The following SV2B variants were observed in gnomAD, a reference collection of about 807,000 sequenced individuals.
SV2B encodes the protein synaptic vesicle glycoprotein 2B, also known as solute carrier family 22 member B2.
SV2B carries 41 observed loss-of-function variants against 73.9 expected under a neutral mutation model. The ratio of observed to expected loss-of-function variants is 0.56; its 90% confidence interval spans 0.43 to 0.72. SV2B has a LOEUF of 0.72. Among genes scored for constraint, SV2B ranks in the 30% least tolerant of loss-of-function variants. The pLI, the probability that SV2B is intolerant of heterozygous loss-of-function variation, is 0.00. For synonymous variants in SV2B, 314 were observed against 314.2 expected (o/e 1.00, Z 0.01); for missense variants, 764 against 857.8 (o/e 0.89, Z 1.37).
chr15:91,125,529 T>C (rs1013556757), intron 1 of SV2B, among the ~76,000 whole-genome samples: 2 of 151,972 alleles, frequency 1.3e-5, no homozygotes, highest in Admixed American at 6.6e-5. Context: ...CCAAGCACTT[T>C]GGGAGGCTGA....
intron 1 of SV2B, among the ~76,000 whole-genome samples, chr15:91,160,949 T>C (rs539520586): frequency 7.9e-5 from 12 of 152,304 alleles, no homozygotes; most frequent in African/African-American, 2.9e-4. Context: ...AAATGTGGCT[T>C]ATCCATACAG....
In SV2B at chr15:91,136,657, G is replaced by A. The variant is rs368506500; in HGVS notation, c.-392+36294G>A. Among the ~76,000 whole-genome samples, 9 of 152,152 alleles carry A rather than the reference G, an allele frequency of 5.9e-5. No individual in the cohort carries two copies. Among genetic ancestry groups the A allele is most frequent in the Non-Finnish European group, 1.3e-4 (9 of 68,034 alleles). On this transcript the variant is annotated intron_variant, in intron 1 of 12. Coordinates refer to ENST00000394232, the MANE Select transcript of SV2B (RefSeq NM_001323032.3). The surrounding 1 kb of genome is among the most constrained non-coding windows in gnomAD (Gnocchi z 5.6). ...TGGAGCAAGGAAGCTCTAGGTTCCC[G>A]TAAGGCAGACTGCCTTTTTAGTTGT...
chr15:91,228,918 C>T (rs970757889), intron 2 of SV2B, among the ~76,000 whole-genome samples: 18 of 152,156 alleles, frequency 1.2e-4, no homozygotes, highest in Admixed American at 9.8e-4. Context: ...GTCACCATGT[C>T]GGTTAGATGA....
rs2045271706 is a variant in SV2B, at chr15:91,197,060, AG to A, written c.-391-28812del. Among the ~76,000 whole-genome samples the A allele has an allele frequency of 6.6e-6, 1 of 152,234 alleles. No homozygotes were observed. The highest frequency in any genetic ancestry group is 2.4e-5 in the African/African-American group (1 of 41,474). ...CCGCCTGCCGGCTGTGGCAGCCTTTAGCCCATAGATGCTGATCTTTGATGTC... is the reference window on the plus strand; with the variant it reads ...CCGCCTGCCGGCTGTGGCAGCCTTTACCCATAGATGCTGATCTTTGATGTC... On this transcript the variant is annotated intron_variant, in intron 1 of 12. Transcript: ENST00000394232. The surrounding 1 kb of genome is among the most constrained non-coding windows in gnomAD (Gnocchi z 4.9).
chr15:91,297,996 T>C lies in SV2B; in HGVS notation c.*5444T>C, dbSNP rs1258814239. On this transcript the variant is annotated 3_prime_UTR_variant, in exon 13 of 13. Transcript: ENST00000394232. This position sits in a 1 kb window ranked among gnomAD's most constrained non-coding sequence, Gnocchi z 5.1. The stretch of plus-strand genomic sequence containing the variant: ...TATGCTTGTGGCATCCTGTAATTCA[T>C]TGTGCCTTATGATGGACCTCTGATT... 6.6e-6 allele frequency: 1 copy of C among 152,198 alleles called. No homozygotes were observed. The highest frequency in any genetic ancestry group is 2.4e-5 in the African/African-American group (1 of 41,430). The allele number at this position is 152,198 out of a possible 1,614,324, so 9.4% of individuals were successfully genotyped here. A position where few individuals can be genotyped will look rare whatever the true frequency, so the allele number is the denominator to read the frequency against.
intron 1 of SV2B, among the ~76,000 whole-genome samples, chr15:91,184,407 A>T (rs4322639): frequency 2.0e-5 from 3 of 151,940 alleles, no homozygotes; most frequent in African/African-American, 4.8e-5. Flanking sequence ...CCTTACCTGG[A>T]CATCATAAAT....
In SV2B at chr15:91,129,229, T is replaced by C. The variant is rs776219001; in HGVS notation, c.-392+28866T>C. Among the ~76,000 whole-genome samples the C allele has an allele frequency of 1.3e-5, 2 of 152,182 alleles. No individual in the cohort carries two copies. The highest frequency in any genetic ancestry group is 2.9e-5 in the Non-Finnish European group (2 of 68,034). On this transcript the variant is annotated intron_variant, in intron 1 of 12. Coordinates refer to ENST00000394232, the MANE Select transcript of SV2B (RefSeq NM_001323032.3). The surrounding 1 kb of genome is among the most constrained non-coding windows in gnomAD (Gnocchi z 5.1). ...ATGACACATTACAGAAATGAGTAGG[T>C]CAAAGATATCCAACCTTAAGAAAGT...
chr15:91,181,931 A>G (rs2044594068), intron 1 of SV2B, among the ~76,000 whole-genome samples: 1 of 151,982 alleles, frequency 6.6e-6, no homozygotes, highest in South Asian at 2.1e-4. Context: ...ATATAGATAG[A>G]TAGGTAGACA....
Position 91,141,027 on chromosome 15 carries a change from A to C in SV2B, c.-392+40664A>C, listed in dbSNP as rs1221953474. Reference sequence around the variant, plus strand: ...TTTCATGATGGAAGCCAGAAGTGCTACAAGCACTCAGGTGGCAGGACTTAT... The same window carrying C: ...TTTCATGATGGAAGCCAGAAGTGCTCCAAGCACTCAGGTGGCAGGACTTAT... On this transcript the variant is annotated intron_variant, in intron 1 of 12. Coordinates refer to ENST00000394232, the MANE Select transcript of SV2B (RefSeq NM_001323032.3). The surrounding 1 kb of genome is among the most constrained non-coding windows in gnomAD (Gnocchi z 4.6). 2.0e-5 allele frequency among the ~76,000 whole-genome samples: 3 copies of C among 152,252 alleles called. No individual in the cohort carries two copies. The highest frequency in any genetic ancestry group is 7.2e-5 in the African/African-American group (3 of 41,464).
In SV2B at chr15:91,227,210, C is replaced by T. The variant is rs757631586; in HGVS notation, c.451+496C>T. ...ACATAAATGTTAGTAGGCTGAATGC[C>T]CACATACCCTGGGGATGAATGGTGG... On this transcript the variant is annotated intron_variant, in intron 2 of 12. Coordinates refer to ENST00000394232, the MANE Select transcript of SV2B (RefSeq NM_001323032.3). This position sits in a 1 kb window ranked among gnomAD's most constrained non-coding sequence, Gnocchi z 4.5. 1.3e-5 allele frequency among the ~76,000 whole-genome samples: 2 copies of T among 152,120 alleles called. No individual in the cohort carries two copies. Among genetic ancestry groups the T allele is most frequent in the Non-Finnish European group, 2.9e-5 (2 of 68,020 alleles).
intron 1 of SV2B, among the ~76,000 whole-genome samples, chr15:91,116,970 C>T (rs1387229233): frequency 1.3e-5 from 2 of 152,142 alleles, no homozygotes; most frequent in African/African-American, 4.8e-5. Flanking sequence ...AACCTGCCCC[C>T]ATGATTCAGT....
chr15:91,179,908 G>T (rs2044479475), intron 1 of SV2B, among the ~76,000 whole-genome samples: 2 of 150,192 alleles, frequency 1.3e-5, no homozygotes, highest in African/African-American at 2.5e-5. Flanking sequence ...AGTTAATATT[G>T]TTATGTGTGA....
chr15:91,241,982 G>C lies in SV2B; in HGVS notation c.452-9837G>C, dbSNP rs28587599. ...ATGAGTGAGGACGTTTCATCTTTAA[G>C]CAGGAGTTAATCCTCGCCTCTTCAG... On this transcript the variant is annotated intron_variant, in intron 2 of 12. Transcript: ENST00000394232. The surrounding 1 kb of genome is among the most constrained non-coding windows in gnomAD (Gnocchi z 4.8). 2.9e-3 allele frequency among the ~76,000 whole-genome samples: 438 copies of C among 151,152 alleles called. No homozygotes were observed. Among genetic ancestry groups the C allele is most frequent in the African/African-American group, 9.8e-3 (397 of 40,576 alleles).
intron 1 of SV2B, among the ~76,000 whole-genome samples, chr15:91,133,849 C>G (rs1340017391): frequency 6.6e-6 from 1 of 152,080 alleles, no homozygotes; most frequent in East Asian, 1.9e-4. Context: ...TTCTGCAGTG[C>G]ACTTATGGTG....
rs1046718395 is a variant in SV2B at position 91,295,345 on chromosome 15, C to A, written c.*2793C>A. ...CCTGAGGTCATGTAACAAGTAAACC[C>A]CAACCCAGCGTTCCCTCCTACGTTG... On this transcript the variant is annotated 3_prime_UTR_variant, in exon 13 of 13. Transcript: ENST00000394232. 25 of 152,126 alleles carry A rather than the reference C, an allele frequency of 1.6e-4. No homozygotes were observed. The highest frequency in any genetic ancestry group is 5.8e-4 in the African/African-American group (24 of 41,404). The allele number at this position is 152,126 out of a possible 1,614,324, so 9.4% of individuals were successfully genotyped here.
At chr15:91,189,734 A>G (rs1459878973) in intron 1 of SV2B, among the ~76,000 whole-genome samples, 1 of 152,228 alleles carries the variant, frequency 6.6e-6, no homozygotes, top group African/African-American at 2.4e-5. Flanking sequence ...CACGCCTGTA[A>G]TCCCAGCACT....
At position 91,234,254 on chromosome 15, in the gene SV2B, A is replaced by G. The variant is rs1028617472; in HGVS notation, c.451+7540A>G. ...CCCTCACTTGGAGGGTTCAGAGGAC[A>G]CATCTTTTACCATGACTATGTGAGT... On this transcript the variant is annotated intron_variant, in intron 2 of 12. Transcript: ENST00000394232. The surrounding 1 kb of genome is among the most constrained non-coding windows in gnomAD (Gnocchi z 5.6). Among the ~76,000 whole-genome samples, 11 of 152,226 alleles carry G rather than the reference A, an allele frequency of 7.2e-5. 1 individual carries two copies. Among genetic ancestry groups the G allele is most frequent in the Non-Finnish European group, 7.3e-5 (5 of 68,040 alleles).
chr15:91,194,163 G>A (rs1462678710), intron 1 of SV2B, among the ~76,000 whole-genome samples: 1 of 151,924 alleles, frequency 6.6e-6, no homozygotes, highest in Non-Finnish European at 1.5e-5. Context: ...GAAGAAGACA[G>A]TATTTCAGCT....
chr15:91,107,996 T>C (rs2041936024), intron 1 of SV2B, among the ~76,000 whole-genome samples: 1 of 152,130 alleles, frequency 6.6e-6, no homozygotes, highest in Admixed American at 6.6e-5. Flanking sequence ...AAGGTGATGA[T>C]GGTGGTGTGG....
Sources: gnomAD v4.1 joint callset for allele counts (sites outside exome capture counted in the v4.1 genomes callset) on GRCh38, gnomAD v4.1.1 for gene constraint, Gnocchi (gnomAD v3.1) non-coding constraint, MANE v1.5 for transcripts, NCBI Gene and HGNC (gene_info 2026-07-23, HGNC 2026-07-21) for gene names.